ZNF804A: variants seen among roughly 807,000 people sequenced by gnomAD.
The protein encoded by ZNF804A is zinc finger protein 804A.
ZNF804A carries 2 observed loss-of-function variants against 16.5 expected under a neutral mutation model. That is an observed-to-expected ratio of 0.12 (90% confidence interval 0.05 to 0.38). The LOEUF (loss-of-function observed/expected upper bound fraction) is 0.38. Ranked by LOEUF, ZNF804A falls within the 10% of genes least tolerant of loss-of-function variation. The probability of loss-of-function intolerance (pLI) is 0.99; values close to 1 mark genes in which losing one functional copy is unlikely to be tolerated. For missense variants in ZNF804A, 1,473 were observed against 1,390.7 expected, an observed-to-expected ratio of 1.06 and a Z score of -0.94; for synonymous variants, 534 against 489.6, an observed-to-expected ratio of 1.09 and a Z score of -1.20.
chr2:184,909,930 TGTA>T (rs983358456), intron 2 of ZNF804A, among the ~76,000 whole-genome samples: 1 of 152,058 alleles, frequency 6.6e-6, no homozygotes, highest in African/African-American at 2.4e-5. Flanking sequence ...AATAAAACAA[TGTA>T]GTAGTTTTAG....
At chr2:184,697,276 T>C (rs1374683736) in intron 1 of ZNF804A, among the ~76,000 whole-genome samples, 1 of 152,060 alleles carries the variant, frequency 6.6e-6, no homozygotes, top group South Asian at 2.1e-4. Context: ...TAAAAAAATA[T>C]GCTTTCTGTT....
intron 1 of ZNF804A, among the ~76,000 whole-genome samples, chr2:184,850,577 T>C (rs146362735): frequency 0.011 from 1,743 of 151,810 alleles, 18 homozygotes; most frequent in Middle Eastern, 0.037. Context: ...TAGCAAATGA[T>C]GTTTTTCTCT....
At chr2:184,843,893 G>A (rs969749256) in intron 1 of ZNF804A, among the ~76,000 whole-genome samples, 1 of 152,066 alleles carries the variant, frequency 6.6e-6, no homozygotes, top group Non-Finnish European at 1.5e-5. Context: ...TATTGGTATA[G>A]TTGGAGTAAT....
intron 1 of ZNF804A, among the ~76,000 whole-genome samples, chr2:184,855,316 T>C (rs1255302734): frequency 6.6e-6 from 1 of 152,056 alleles, no homozygotes; most frequent in African/African-American, 2.4e-5. Flanking sequence ...AAAAAAGGCA[T>C]AAATCACCAA....
chr2:184,672,744 T>G (rs2105713527), intron 1 of ZNF804A, among the ~76,000 whole-genome samples: 1 of 149,716 alleles, frequency 6.7e-6, no homozygotes, highest in African/African-American at 2.4e-5. Context: ...TTTCTTTTTT[T>G]TTCTTTTCTT....
At chr2:184,710,526 CATG>C (rs1369977447) in intron 1 of ZNF804A, among the ~76,000 whole-genome samples, 1 of 151,664 alleles carries the variant, frequency 6.6e-6, no homozygotes, top group Non-Finnish European at 1.5e-5. Flanking sequence ...GAACACTTAA[CATG>C]ATATGTAGCC....
chr2:184,619,564 A>G (rs1229389250), intron 1 of ZNF804A, among the ~76,000 whole-genome samples: 1 of 152,034 alleles, frequency 6.6e-6, no homozygotes, highest in Non-Finnish European at 1.5e-5. Flanking sequence ...TCATGCCTCT[A>G]TATCACATTT....
At chr2:184,740,704 C>T (rs971159378) in intron 1 of ZNF804A, among the ~76,000 whole-genome samples, 2 of 151,984 alleles carry the variant, frequency 1.3e-5, no homozygotes, top group African/African-American at 4.8e-5. Flanking sequence ...AACATTCTGT[C>T]TTATATTCAA....
intron 1 of ZNF804A, among the ~76,000 whole-genome samples, chr2:184,782,111 GGGCCTTATCTTCAAATACA>G (rs1235866229): frequency 6.6e-6 from 1 of 151,618 alleles, no homozygotes; most frequent in Non-Finnish European, 1.5e-5. Context: ...ATCTCTTTGA[GGGCCTTATCTTCAAATACA>G]GTCACATTTT....
rs576863134 is a variant in ZNF804A at position 184,622,670 on chromosome 2, A to G, written c.111+23600A>G. Among the ~76,000 whole-genome samples, 58 of 152,052 alleles carry G rather than the reference A, an allele frequency of 3.8e-4. No individual in the cohort carries two copies. The South Asian group carries it at 0.011, about 29-fold the overall frequency. ...TTTTAAGTTGCTTTCAGAAAACACT[A>G]TGATGTTAAATGTATAAAAACAATA... is the stretch of plus-strand genomic sequence containing the variant. On this transcript the variant is annotated intron_variant, in intron 1 of 3. Coordinates refer to ENST00000302277, the MANE Select transcript of ZNF804A (RefSeq NM_194250.2).
chr2:184,911,531 G>A (rs1685358389), intron 2 of ZNF804A, among the ~76,000 whole-genome samples: 1 of 151,916 alleles, frequency 6.6e-6, no homozygotes, highest in South Asian at 2.1e-4. Context: ...TAATTTGATA[G>A]TAATAGCATT....
chr2:184,752,057 G>A (rs1467789871), intron 1 of ZNF804A, among the ~76,000 whole-genome samples: 1 of 151,610 alleles, frequency 6.6e-6, no homozygotes, highest in African/African-American at 2.4e-5. Context: ...TAACCTCTTT[G>A]GAAAACAGTA....
chr2:184,660,951 C>T (rs1247385970), intron 1 of ZNF804A, among the ~76,000 whole-genome samples: 1 of 152,154 alleles, frequency 6.6e-6, no homozygotes, highest in Non-Finnish European at 1.5e-5. Context: ...ATAGCCCTTC[C>T]AGAAGTAGTT....
intron 2 of ZNF804A, among the ~76,000 whole-genome samples, chr2:184,894,680 C>T (rs1275263695): frequency 6.6e-6 from 1 of 151,694 alleles, no homozygotes; most frequent in East Asian, 1.9e-4. Flanking sequence ...TTAAGATATA[C>T]TTAATATTCT....
intron 1 of ZNF804A, among the ~76,000 whole-genome samples, chr2:184,865,659 A>G (rs1695868292): frequency 6.6e-6 from 1 of 152,156 alleles, no homozygotes. Flanking sequence ...ATGACTGGCT[A>G]TATGTTCATC....
chr2:184,824,399 A>G (rs2105792397), intron 1 of ZNF804A, among the ~76,000 whole-genome samples: 1 of 152,244 alleles, frequency 6.6e-6, no homozygotes, highest in South Asian at 2.1e-4. Context: ...AGCTGACCTT[A>G]AAGCTATAAC....
chr2:184,755,255 T>C (rs367608269), intron 1 of ZNF804A, among the ~76,000 whole-genome samples: 2 of 151,932 alleles, frequency 1.3e-5, no homozygotes, highest in African/African-American at 4.8e-5. Context: ...CCTTATAATG[T>C]CGACCTACTA....
At chr2:184,928,631 A>T (rs1017164766) in intron 2 of ZNF804A, among the ~76,000 whole-genome samples, 20 of 152,152 alleles carry the variant, frequency 1.3e-4, no homozygotes, top group African/African-American at 4.6e-4. Context: ...AAGCTGAAAT[A>T]AATAAAGCTG....
intron 1 of ZNF804A, among the ~76,000 whole-genome samples, chr2:184,844,859 C>T (rs1290666628): frequency 6.6e-6 from 1 of 151,854 alleles, no homozygotes; most frequent in East Asian, 1.9e-4. Context: ...ACATATGTTA[C>T]ACCCTTTGAT....
Sources: gnomAD v4.1 joint callset for allele counts (sites outside exome capture counted in the v4.1 genomes callset) on GRCh38, gnomAD v4.1.1 for gene constraint, MANE v1.5 for transcripts, NCBI Gene and HGNC (gene_info 2026-07-23, HGNC 2026-07-21) for gene names.